The following CDH1 variants were observed in gnomAD, a reference collection of about 807,000 sequenced individuals.
The protein encoded by CDH1 is cadherin-1.
A neutral mutation model predicts 84.5 loss-of-function variants in CDH1; 35 were observed. That is an observed-to-expected ratio of 0.41 (90% CI 0.32 to 0.55). The LOEUF is 0.55. CDH1 is among the 20% of genes least tolerant of loss of function. CDH1 has a pLI of 0.19. For missense variants in CDH1, 994 were observed against 1,126.6 expected (o/e 0.88, Z 1.68); for synonymous variants, 417 against 439.0 (o/e 0.95, Z 0.63).
chr16:68,833,166 T>C (rs1961528760), intron 15 of CDH1, 124 bp from the exon 16 acceptor site: 2 of 782,566 alleles, frequency 2.6e-6, no homozygotes. Context: ...TGGTGTTCAC[T>C]GCTCCGTGGT....
intron 8 of CDH1, 23 bp from the exon 9 acceptor site, chr16:68,813,290 T>C: frequency 6.2e-7 from 1 of 1,613,246 alleles, no homozygotes; most frequent in African/African-American, 1.3e-5. Context: ...ACTTTGTAAA[T>C]GACACATCTC....
chr16:68,821,387 T>C (rs1961138812), intron 11 of CDH1, among the ~76,000 whole-genome samples: 1 of 151,056 alleles, frequency 6.6e-6, no homozygotes, highest in African/African-American at 2.4e-5. Flanking sequence ...AGGTGGGAGA[T>C]TAAGCCCAGG....
chr16:68,742,513 G>A (rs4783671), intron 2 of CDH1: 79,541 of 160,304 alleles, frequency 0.5, 20,890 homozygotes, highest in Non-Finnish European at 0.58. Flanking sequence ...GCCCGATCTC[G>A]TCTGATCTCG....
At chr16:68,774,543 T>G (rs1303182334) in intron 2 of CDH1, among the ~76,000 whole-genome samples, 1 of 152,084 alleles carries the variant, frequency 6.6e-6, no homozygotes, top group Non-Finnish European at 1.5e-5. Flanking sequence ...AGTTTGATGA[T>G]GACCAGTACA....
At chr16:68,821,115 G>T (rs1482872796) in intron 11 of CDH1, among the ~76,000 whole-genome samples, 1 of 151,826 alleles carries the variant, frequency 6.6e-6, no homozygotes, top group Non-Finnish European at 1.5e-5. Context: ...TAGTTCCCTG[G>T]GTACCAATTT....
intron 2 of CDH1, among the ~76,000 whole-genome samples, chr16:68,766,528 T>G (rs1959393703): frequency 6.6e-6 from 1 of 152,168 alleles, no homozygotes. Context: ...TTCATAAGGT[T>G]TTGGGGGAGA....
Position 68,737,316 on chromosome 16 carries a change from C to G in CDH1, c.-100C>G, listed in dbSNP as rs1336812842. 9.9e-7 allele frequency: 1 copy of G among 1,012,476 alleles called. No individual in the cohort carries two copies. The highest frequency in any genetic ancestry group is 2.3e-5 in the Admixed American group (1 of 43,756). The allele number at this position is 1,012,476 out of a possible 1,614,324, so 62.7% of individuals were successfully genotyped here. On this transcript the variant is annotated 5_prime_UTR_variant, in exon 1 of 16. Coordinates refer to ENST00000261769, the MANE Select transcript of CDH1 (RefSeq NM_004360.5). ...CAGTGGCGTCGGAACTGCAAAGCAC[C>G]TGTGAGCTTGCGGAAGTCAGTTCAG... is the stretch of plus-strand genomic sequence containing the variant.
In CDH1 at chr16:68,737,459, T is replaced by A. The variant is rs370614162; in HGVS notation, c.44T>A (p.Leu15Gln). 2.6e-6 allele frequency: 4 copies of A among 1,536,874 alleles called. No individual in the cohort carries two copies. Among genetic ancestry groups the A allele is most frequent in the African/African-American group, 2.7e-5 (2 of 72,896 alleles). The change falls in exon 1 of 16, where the codon CTG becomes CAG. Residue 15 changes from leucine to glutamine, a missense_variant. Coordinates refer to ENST00000261769, the MANE Select transcript of CDH1 (RefSeq NM_004360.5). ...SRSLSALLLL[L>Q]QVSSWLCQEP... ...AGCCTCTCGGCGCTGCTGCTGCTGCTGCAGGTACCCCGGATCCCCTGACTT... is the reference window on the plus strand; with the variant it reads ...AGCCTCTCGGCGCTGCTGCTGCTGCAGCAGGTACCCCGGATCCCCTGACTT...
chr16:68,764,329 C>A (rs992854259), intron 2 of CDH1, among the ~76,000 whole-genome samples: 1 of 152,228 alleles, frequency 6.6e-6, no homozygotes, highest in African/African-American at 2.4e-5. Flanking sequence ...GTAATCCCAG[C>A]ACTTTGGGAG....
intron 2 of CDH1, among the ~76,000 whole-genome samples, chr16:68,773,131 G>A (rs1959627215): frequency 6.6e-6 from 1 of 152,118 alleles, no homozygotes; most frequent in Non-Finnish European, 1.5e-5. Flanking sequence ...GTGTGGATGG[G>A]TGAGGTTTGT....
At chr16:68,786,528 T>TTTTTTC (rs1263410531) in intron 2 of CDH1, among the ~76,000 whole-genome samples, 2 of 116,638 alleles carry the variant, frequency 1.7e-5, no homozygotes, top group African/African-American at 6.8e-5. Context: ...TTCTTTTTTT[T>TTTTTTC]TTTTTCTTTT....
intron 6 of CDH1, among the ~76,000 whole-genome samples, chr16:68,810,692 C>A (rs1253069045): frequency 6.6e-6 from 1 of 150,744 alleles, no homozygotes; most frequent in Non-Finnish European, 1.5e-5. Flanking sequence ...GGTGAAACCT[C>A]GTCTCTATTA....
At chr16:68,812,300 G>A (rs776118060) in intron 8 of CDH1, 37 bp downstream of exon 8, 1 of 1,611,140 alleles carries the variant, frequency 6.2e-7, no homozygotes, top group South Asian at 1.1e-5. Flanking sequence ...TCCAAAGAAA[G>A]GTCTTTTGTT....
At chr16:68,795,858 G>T (rs1039280366) in intron 2 of CDH1, among the ~76,000 whole-genome samples, 1 of 151,668 alleles carries the variant, frequency 6.6e-6, no homozygotes, top group East Asian at 2.0e-4. Flanking sequence ...AAGTTCAAAT[G>T]GTCTTTGAAT....
intron 12 of CDH1, 82 bp from the exon 13 acceptor site, chr16:68,823,317 A>T: frequency 2.1e-6 from 2 of 961,310 alleles, no homozygotes; most frequent in Non-Finnish European, 3.3e-6. Context: ...GGGTGTCTTT[A>T]GTTCACTAGC....
At chr16:68,785,885 G>A (rs533325461) in intron 2 of CDH1, among the ~76,000 whole-genome samples, 6 of 152,260 alleles carry the variant, frequency 3.9e-5, no homozygotes, top group East Asian at 1.9e-4. Flanking sequence ...TTTTACATAC[G>A]TCATTTTTGT....
At chr16:68,767,659 G>T (rs1011691874) in intron 2 of CDH1, among the ~76,000 whole-genome samples, 7 of 152,116 alleles carry the variant, frequency 4.6e-5, no homozygotes, top group Non-Finnish European at 1.0e-4. Flanking sequence ...TTGTTTGTTT[G>T]TTTTTTTATT....
intron 13 of CDH1, among the ~76,000 whole-genome samples, chr16:68,825,375 G>A (rs912240525): frequency 6.6e-6 from 1 of 152,196 alleles, no homozygotes; most frequent in African/African-American, 2.4e-5. Context: ...CAGAGACCAG[G>A]CCAAGCTGGT....
chr16:68,758,509 C>T lies in CDH1; in HGVS notation c.163+20098C>T, dbSNP rs531578154. ...GGTTGAGGCAGGAGGATCACTTGAG[C>T]CTGGGAGTTTCGAGGCTGCAGTGCA... is the stretch of plus-strand genomic sequence containing the variant. On this transcript the variant is annotated intron_variant, in intron 2 of 15. Coordinates refer to ENST00000261769, the MANE Select transcript of CDH1 (RefSeq NM_004360.5). Among the ~76,000 whole-genome samples the T allele has an allele frequency of 2.6e-5, 4 of 151,882 alleles. No homozygotes were observed. In the South Asian group the frequency reaches 8.3e-4, roughly 32 times the overall value.
Sources: allele counts gnomAD v4.1 joint callset (sites outside exome capture counted in the v4.1 genomes callset), GRCh38; gene constraint gnomAD v4.1.1; transcripts MANE v1.5; gene names NCBI Gene and HGNC (gene_info 2026-07-23, HGNC 2026-07-21).